The following MYO6 variants were observed in gnomAD, a reference collection of about 807,000 sequenced individuals.
MYO6 encodes the protein unconventional myosin-VI.
In MYO6, 74 loss-of-function variants were observed where a neutral mutation model predicts 178.7. That is an observed-to-expected ratio of 0.41 (90% CI 0.34 to 0.50). MYO6 has a LOEUF of 0.50. Ranked by LOEUF, MYO6 falls within the 20% of genes least tolerant of loss-of-function variation. The probability of loss-of-function intolerance (pLI) is 0.09; values close to 1 mark genes in which losing one functional copy is unlikely to be tolerated. For missense variants in MYO6, 1,330 were observed against 1,547.4 expected (o/e 0.86, Z 2.36); for synonymous variants, 477 against 504.6 (o/e 0.95, Z 0.73).
rs779535270 is a variant in MYO6, at chr6:75,914,161, G to A, written c.3538G>A (p.Asp1180Asn). The A allele has an allele frequency of 6.2e-6, 10 of 1,613,942 alleles. No homozygotes were observed. Among genetic ancestry groups the A allele is most frequent in the Admixed American group, 5.0e-5 (3 of 59,996 alleles). The change falls in exon 34 of 35, where the codon GAC (aspartate) becomes AAC (asparagine). Residue 1180 changes from aspartate to asparagine, a missense_variant. Physicochemically the swap from Asp to Asn is conservative, Grantham distance 23. Coordinates refer to ENST00000369977, the MANE Select transcript of MYO6 (RefSeq NM_004999.4). The stretch of plus-strand genomic sequence containing the variant: ...CCGCATCCCATTCATCCGCCCTGCC[G>A]ACCAGTACAAAGACCCTCAGAGTAA... The part of the protein sequence containing the change: ...FFRIPFIRPA[D>N]QYKDPQSKKK...
intron 1 of MYO6, among the ~76,000 whole-genome samples, chr6:75,771,158 C>T (rs1033948939): frequency 4.3e-4 from 65 of 151,932 alleles, no homozygotes; most frequent in African/African-American, 1.2e-3. Context: ...CATGCCACCG[C>T]GCCTGGCTAA....
chr6:75,832,153 T>G (rs1159685237), intron 5 of MYO6, among the ~76,000 whole-genome samples: 1 of 152,202 alleles, frequency 6.6e-6, no homozygotes, highest in East Asian at 1.9e-4. Context: ...TAATACAGTT[T>G]ATAGCCTAAA....
At chr6:75,787,254 T>C (rs868146808) in intron 1 of MYO6, among the ~76,000 whole-genome samples, 1 of 152,212 alleles carries the variant, frequency 6.6e-6, no homozygotes, top group South Asian at 2.1e-4. Flanking sequence ...CCCAGGTATT[T>C]ATCCAAGAGC....
At chr6:75,761,592 AACACACACACACACAC>A (rs3057486) in intron 1 of MYO6, among the ~76,000 whole-genome samples, 9 of 143,046 alleles carry the variant, frequency 6.3e-5, no homozygotes, top group South Asian at 2.3e-4. Flanking sequence ...GGGCTGTTAG[AACACACACACACACAC>A]ACACACACAC....
At chr6:75,893,154 A>G (rs187665161) in intron 28 of MYO6, among the ~76,000 whole-genome samples, 237 of 152,314 alleles carry the variant, frequency 1.6e-3, no homozygotes, top group African/African-American at 5.0e-3. Flanking sequence ...CTACTCTGCA[A>G]TGCCTCAGAA....
chr6:75,823,670 A>G (rs1041631737), intron 3 of MYO6, among the ~76,000 whole-genome samples: 1 of 152,216 alleles, frequency 6.6e-6, no homozygotes, highest in Non-Finnish European at 1.5e-5. Flanking sequence ...AAACCCCCAT[A>G]TGTAGAATGG....
At chr6:75,787,913 C>A (rs944296175) in intron 1 of MYO6, among the ~76,000 whole-genome samples, 1 of 150,602 alleles carries the variant, frequency 6.6e-6, no homozygotes, top group Non-Finnish European at 1.5e-5. Context: ...GTATGCACCA[C>A]CATACCCAGC....
chr6:75,869,576 C>T (rs368899520), intron 18 of MYO6, among the ~76,000 whole-genome samples: 1 of 152,084 alleles, frequency 6.6e-6, no homozygotes, highest in East Asian at 1.9e-4. Context: ...TAAAAATTAA[C>T]ATTAGTCTTT....
At chr6:75,842,358 C>A (rs559218527) in intron 9 of MYO6, among the ~76,000 whole-genome samples, 1 of 152,250 alleles carries the variant, frequency 6.6e-6, no homozygotes, top group East Asian at 1.9e-4. Context: ...CAAAGGAATG[C>A]AATGTGAGTA....
intron 11 of MYO6, among the ~76,000 whole-genome samples, chr6:75,852,699 G>T (rs765137105): frequency 6.6e-6 from 1 of 152,012 alleles, no homozygotes; most frequent in African/African-American, 2.4e-5. Context: ...TTTTATTGCC[G>T]AATAATATTT....
chr6:75,913,320 A>G (rs1780903848), intron 33 of MYO6, among the ~76,000 whole-genome samples: 1 of 152,248 alleles, frequency 6.6e-6, no homozygotes, highest in African/African-American at 2.4e-5. Flanking sequence ...GCCCAGTACT[A>G]GTAGAAAAGC....
At chr6:75,824,570 A>C (rs1168881664) in intron 3 of MYO6, among the ~76,000 whole-genome samples, 1 of 152,138 alleles carries the variant, frequency 6.6e-6, no homozygotes, top group East Asian at 1.9e-4. Flanking sequence ...ACACATGCAC[A>C]CACACACAGG....
intron 11 of MYO6, among the ~76,000 whole-genome samples, chr6:75,854,309 C>CTTTTTTTTTTTTTTTTTTT (rs1274570224): frequency 2.4e-5 from 1 of 42,498 alleles, no homozygotes; most frequent in Non-Finnish European, 4.6e-5. Context: ...TTTTTTTTTG[C>CTTTTTTTTTTTTTTTTTTT]TATTCTCTGC....
At chr6:75,816,839 T>A (rs763604592) in intron 1 of MYO6, among the ~76,000 whole-genome samples, 20 of 152,184 alleles carry the variant, frequency 1.3e-4, no homozygotes, top group Non-Finnish European at 2.9e-4. Context: ...CAGAATACTT[T>A]AGGGAGCAAA....
At chr6:75,911,638 T>C (rs779079642) in intron 32 of MYO6, 34 bp from the exon 33 acceptor site, 1 of 1,594,954 alleles carries the variant, frequency 6.3e-7, no homozygotes, top group East Asian at 2.2e-5. Flanking sequence ...TTGGCATTTT[T>C]ATCTTTTCTT....
intron 1 of MYO6, among the ~76,000 whole-genome samples, chr6:75,784,414 G>A (rs1360815265): frequency 1.3e-5 from 2 of 152,010 alleles, no homozygotes; most frequent in Non-Finnish European, 2.9e-5. Context: ...AATTAGGAGT[G>A]TAATAGAATC....
At chr6:75,913,459 G>C (rs942122299) in intron 33 of MYO6, among the ~76,000 whole-genome samples, 1 of 152,078 alleles carries the variant, frequency 6.6e-6, no homozygotes, top group African/African-American at 2.4e-5. Flanking sequence ...TATGCTTACT[G>C]TTATAAGGTT....
At chr6:75,817,801 T>C (rs1010596744) in intron 2 of MYO6, 137 bp downstream of exon 2, 5 of 783,568 alleles carry the variant, frequency 6.4e-6, no homozygotes, top group Non-Finnish European at 1.1e-5. Context: ...TGTTTTCTCC[T>C]GACTTCTTTG....
chr6:75,862,752 T>C, intron 16 of MYO6, 29 bp downstream of exon 16: 1 of 1,611,012 alleles, frequency 6.2e-7, no homozygotes, highest in Non-Finnish European at 8.5e-7. Flanking sequence ...AAATTGAGAC[T>C]ATGGTGGGAC....
Sources: gnomAD v4.1 joint callset for allele counts (sites outside exome capture counted in the v4.1 genomes callset) on GRCh38, gnomAD v4.1.1 for gene constraint, MANE v1.5 for transcripts, NCBI Gene and HGNC (gene_info 2026-07-23, HGNC 2026-07-21) for gene names.